Variants in LRRC4C observed in about 807,000 individuals in gnomAD.
LRRC4C encodes the protein leucine-rich repeat-containing protein 4C.
LRRC4C carries 5 observed loss-of-function variants against 33.6 expected under a neutral mutation model. That is an observed-to-expected ratio of 0.15 (90% CI 0.08 to 0.31). The LOEUF (loss-of-function observed/expected upper bound fraction) is 0.31, where lower values mean the gene tolerates loss of function less well. Ranked by LOEUF, LRRC4C falls within the 10% of genes least tolerant of loss-of-function variation. The pLI is 1.00. For missense variants in LRRC4C, 560 were observed against 796.7 expected (o/e 0.70, Z 3.58); for synonymous variants, 329 against 302.0 (o/e 1.09, Z -0.93).
In LRRC4C at chr11:41,204,834, G is replaced by A. The variant is rs560624263; in HGVS notation, c.-496+254597C>T. Among the ~76,000 whole-genome samples, 19 of 152,236 alleles carry A rather than the reference G, an allele frequency of 1.2e-4. No individual in the cohort carries two copies. In the South Asian group the frequency reaches 3.9e-3, roughly 32 times the overall value. ...ATTGTACCTTCAAAATGTCAGTGAA[G>A]AGAAGCAATACACAAGTAACCAGAT... On this transcript the variant is annotated intron_variant, in intron 1 of 6. Transcript: ENST00000528697.
At chr11:40,920,005 A>G (rs1002896196) in intron 2 of LRRC4C, among the ~76,000 whole-genome samples, 2 of 152,130 alleles carry the variant, frequency 1.3e-5, no homozygotes, top group Non-Finnish European at 2.9e-5. Context: ...TATCCCTACT[A>G]AGGGCTCACC....
At chr11:40,415,619 G>C (rs1374299078) in intron 3 of LRRC4C, among the ~76,000 whole-genome samples, 1 of 152,144 alleles carries the variant, frequency 6.6e-6, no homozygotes, top group Non-Finnish European at 1.5e-5. Flanking sequence ...TGTAGAAAAA[G>C]GGTAATGACA....
intron 3 of LRRC4C, among the ~76,000 whole-genome samples, chr11:40,583,172 A>G (rs1244829237): frequency 6.6e-6 from 1 of 152,068 alleles, no homozygotes; most frequent in Non-Finnish European, 1.5e-5. Flanking sequence ...TTCTCGGGTG[A>G]CCACATGACT....
Position 41,224,737 on chromosome 11 carries a change from G to C in LRRC4C, c.-496+234694C>G, listed in dbSNP as rs140085469. 3.8e-3 allele frequency among the ~76,000 whole-genome samples: 576 copies of C among 152,246 alleles called. 8 individuals carry two copies. Among genetic ancestry groups the C allele is most frequent in the African/African-American group, 0.013 (559 of 41,570 alleles). ...AATTCTCTCATTGGATTCTATGTGGGATTAACTGAGATGATGTGCCTGAAT... is the reference window on the plus strand; with the variant it reads ...AATTCTCTCATTGGATTCTATGTGGCATTAACTGAGATGATGTGCCTGAAT... On this transcript the variant is annotated intron_variant, in intron 1 of 6. Coordinates refer to ENST00000528697, the MANE Select transcript of LRRC4C (RefSeq NM_001258419.2).
chr11:41,087,714 C>A (rs1940110825), intron 1 of LRRC4C, among the ~76,000 whole-genome samples: 1 of 151,982 alleles, frequency 6.6e-6, no homozygotes, highest in Non-Finnish European at 1.5e-5. Context: ...CTATTTGTGC[C>A]CTTTATAAGT....
At chr11:41,407,140 C>T (rs913825742) in intron 1 of LRRC4C, among the ~76,000 whole-genome samples, 2 of 151,924 alleles carry the variant, frequency 1.3e-5, no homozygotes, top group African/African-American at 4.8e-5. Flanking sequence ...TGTCTATGGA[C>T]CACGAAAAAA....
At chr11:40,181,895 C>A (rs1861036482) in intron 5 of LRRC4C, among the ~76,000 whole-genome samples, 7 of 152,166 alleles carry the variant, frequency 4.6e-5, no homozygotes, top group Admixed American at 4.6e-4. Context: ...TTTGGGTGGC[C>A]TCCTATGGCC....
intron 1 of LRRC4C, among the ~76,000 whole-genome samples, chr11:41,013,309 G>A (rs1394611985): frequency 2.0e-5 from 3 of 152,086 alleles, no homozygotes; most frequent in Non-Finnish European, 2.9e-5. Context: ...AAAATGGCAC[G>A]TTTTTAATTT....
chr11:41,297,967 G>A (rs1214633444), intron 1 of LRRC4C, among the ~76,000 whole-genome samples: 13 of 152,014 alleles, frequency 8.6e-5, no homozygotes, highest in Admixed American at 8.5e-4. Context: ...ATAGCCTTGG[G>A]AAAGACACAC....
intron 5 of LRRC4C, among the ~76,000 whole-genome samples, chr11:40,160,512 A>G (rs1859066594): frequency 6.6e-6 from 1 of 152,220 alleles, no homozygotes; most frequent in Admixed American, 6.5e-5. Flanking sequence ...ATGAAGATAT[A>G]TAAGATCCTG....
At chr11:40,991,565 T>C (rs1012329741) in intron 1 of LRRC4C, among the ~76,000 whole-genome samples, 1 of 152,206 alleles carries the variant, frequency 6.6e-6, no homozygotes, top group African/African-American at 2.4e-5. Flanking sequence ...CATTGTAATA[T>C]ATAATGAAAT....
intron 3 of LRRC4C, among the ~76,000 whole-genome samples, chr11:40,361,728 C>T (rs947372508): frequency 6.6e-6 from 1 of 152,160 alleles, no homozygotes; most frequent in African/African-American, 2.4e-5. Context: ...CATTAAACTA[C>T]CATTGACATG....
intron 1 of LRRC4C, among the ~76,000 whole-genome samples, chr11:41,170,843 G>A (rs1418882208): frequency 6.6e-6 from 1 of 152,108 alleles, no homozygotes; most frequent in South Asian, 2.1e-4. Flanking sequence ...GAAAATTTTT[G>A]CAACCTACTC....
chr11:41,055,749 G>C (rs565020101), intron 1 of LRRC4C, among the ~76,000 whole-genome samples: 4 of 152,046 alleles, frequency 2.6e-5, no homozygotes, highest in Non-Finnish European at 5.9e-5. Flanking sequence ...AATAAAATAT[G>C]CTACAGTAAA....
At chr11:40,505,024 T>G (rs1383927135) in intron 3 of LRRC4C, among the ~76,000 whole-genome samples, 4 of 152,100 alleles carry the variant, frequency 2.6e-5, no homozygotes, top group Non-Finnish European at 5.9e-5. Context: ...AGGCAGGTGT[T>G]TTTTTGTTTT....
chr11:40,272,063 C>T (rs1231261809), intron 4 of LRRC4C, among the ~76,000 whole-genome samples: 1 of 152,066 alleles, frequency 6.6e-6, no homozygotes, highest in Non-Finnish European at 1.5e-5. Flanking sequence ...GAACATTCTC[C>T]AAATTGAACA....
At chr11:41,089,603 A>T (rs1940253313) in intron 1 of LRRC4C, among the ~76,000 whole-genome samples, 1 of 152,124 alleles carries the variant, frequency 6.6e-6, no homozygotes, top group Non-Finnish European at 1.5e-5. Flanking sequence ...GTAAAAAAAA[A>T]ATTGGTGCAT....
intron 3 of LRRC4C, among the ~76,000 whole-genome samples, chr11:40,507,738 A>ATT (rs5791383): frequency 2.7e-4 from 36 of 135,112 alleles, no homozygotes; most frequent in Admixed American, 6.1e-4. Flanking sequence ...ACTAGATTTA[A>ATT]TTTTTTTTTT....
intron 3 of LRRC4C, among the ~76,000 whole-genome samples, chr11:40,457,239 A>T (rs111789054): frequency 0.041 from 6,230 of 152,160 alleles, 416 homozygotes; most frequent in African/African-American, 0.14. Flanking sequence ...TTATAAAAAA[A>T]TTTAAAAATT....
Sources: gnomAD v4.1 joint callset for allele counts (sites outside exome capture counted in the v4.1 genomes callset) on GRCh38, gnomAD v4.1.1 for gene constraint, MANE v1.5 for transcripts, NCBI Gene and HGNC (gene_info 2026-07-23, HGNC 2026-07-21) for gene names.